Variants in ITFG1 observed in about 807,000 individuals in gnomAD.
The protein encoded by ITFG1 is integrin alpha FG-GAP repeat containing 1.
Under a neutral mutation model 81.8 loss-of-function variants are expected in ITFG1, and 34 were observed. The observed-to-expected ratio is 0.42, with a 90% CI of 0.32 to 0.55. The LOEUF is 0.55. Ranked by LOEUF, ITFG1 falls within the 20% of genes least tolerant of loss-of-function variation. The pLI, the probability that ITFG1 is intolerant of heterozygous loss-of-function variation, is 0.17. For missense variants in ITFG1, 672 were observed against 755.4 expected, an observed-to-expected ratio of 0.89 and a Z score of 1.29; for synonymous variants, 285 against 270.6, an observed-to-expected ratio of 1.05 and a Z score of -0.52.
At chr16:47,293,178 A>G (rs867630575) in intron 10 of ITFG1, among the ~76,000 whole-genome samples, 18 of 147,498 alleles carry the variant, frequency 1.2e-4, no homozygotes, top group South Asian at 6.3e-4. Flanking sequence ...TATATCATAT[A>G]CAAATGATAT....
At chr16:47,249,233 C>T (rs1277799766) in intron 12 of ITFG1, among the ~76,000 whole-genome samples, 1 of 152,090 alleles carries the variant, frequency 6.6e-6, no homozygotes, top group Non-Finnish European at 1.5e-5. Context: ...GCCTAGCCAA[C>T]ATAGTGAAAC....
At chr16:47,192,536 G>A (rs755855716) in intron 14 of ITFG1, among the ~76,000 whole-genome samples, 7 of 152,152 alleles carry the variant, frequency 4.6e-5, no homozygotes, top group Non-Finnish European at 8.8e-5. Context: ...ATGGCAAGGC[G>A]TCAGGGGAGG....
chr16:47,415,653 A>G (rs971214061), intron 6 of ITFG1, among the ~76,000 whole-genome samples: 6 of 152,242 alleles, frequency 3.9e-5, no homozygotes, highest in Non-Finnish European at 4.4e-5. Flanking sequence ...TATCAAAATC[A>G]TAATGAAATA....
intron 14 of ITFG1, among the ~76,000 whole-genome samples, chr16:47,192,145 C>T (rs1057363272): frequency 2.6e-5 from 4 of 152,202 alleles, no homozygotes; most frequent in African/African-American, 4.8e-5. Flanking sequence ...TCTAGTTCTT[C>T]TACTTGCTTT....
At chr16:47,380,616 A>G (rs1345938893) in intron 6 of ITFG1, among the ~76,000 whole-genome samples, 1 of 152,184 alleles carries the variant, frequency 6.6e-6, no homozygotes, top group Non-Finnish European at 1.5e-5. Flanking sequence ...AGTTGGAAGA[A>G]CAGGGTTGGT....
At chr16:47,418,085 C>T (rs1968896335) in intron 6 of ITFG1, among the ~76,000 whole-genome samples, 1 of 151,990 alleles carries the variant, frequency 6.6e-6, no homozygotes, top group Admixed American at 6.6e-5. Flanking sequence ...ATTTGAATAA[C>T]AATGAGATAT....
At chr16:47,222,416 T>C (rs1196354118) in intron 13 of ITFG1, among the ~76,000 whole-genome samples, 2 of 148,020 alleles carry the variant, frequency 1.4e-5, no homozygotes, top group Non-Finnish European at 3.0e-5. Flanking sequence ...TTTCTTTCTT[T>C]TTTTTTTTTT....
chr16:47,454,925 AC>A (rs1358435127), intron 2 of ITFG1, among the ~76,000 whole-genome samples: 1 of 152,182 alleles, frequency 6.6e-6, no homozygotes, highest in Non-Finnish European at 1.5e-5. Flanking sequence ...TTCCAATTAG[AC>A]TATAGATAAT....
At chr16:47,272,951 G>A (rs973125344) in intron 10 of ITFG1, among the ~76,000 whole-genome samples, 13 of 147,838 alleles carry the variant, frequency 8.8e-5, no homozygotes, top group African/African-American at 3.3e-4. Context: ...TATCTTCAAA[G>A]GCTATAAAAT....
At chr16:47,306,318 A>G (rs1354484315) in intron 10 of ITFG1, among the ~76,000 whole-genome samples, 1 of 152,204 alleles carries the variant, frequency 6.6e-6, no homozygotes, top group Non-Finnish European at 1.5e-5. Context: ...ACCACCAGAA[A>G]CATTTCAACA....
At chr16:47,411,631 A>G (rs2151603181) in intron 6 of ITFG1, among the ~76,000 whole-genome samples, 1 of 152,256 alleles carries the variant, frequency 6.6e-6, no homozygotes, top group East Asian at 1.9e-4. Flanking sequence ...AGGACTCTGA[A>G]TGCTGGTCTC....
intron 8 of ITFG1, among the ~76,000 whole-genome samples, chr16:47,364,595 A>G (rs1968151488): frequency 6.6e-6 from 1 of 152,208 alleles, no homozygotes; most frequent in African/African-American, 2.4e-5. Flanking sequence ...AAATAACATC[A>G]TGTGTTCTAT....
chr16:47,461,068 G>A (rs1025526349), upstream of ITFG1: 3 of 1,511,866 alleles, frequency 2.0e-6, no homozygotes, highest in Non-Finnish European at 2.6e-6. Flanking sequence ...GCCCCCGCCC[G>A]CCGGCCCAAC....
intron 6 of ITFG1, among the ~76,000 whole-genome samples, chr16:47,409,785 C>G (rs1053135270): frequency 1.3e-5 from 2 of 151,406 alleles, no homozygotes; most frequent in Admixed American, 6.6e-5. Context: ...AAGCATGACA[C>G]AAAACACATA....
intron 12 of ITFG1, 120 bp from the exon 13 acceptor site, chr16:47,238,128 A>G: frequency 3.3e-6 from 2 of 613,270 alleles, no homozygotes; most frequent in South Asian, 3.9e-5. Flanking sequence ...GCAGAAACCA[A>G]TTCAATTTCT....
intron 10 of ITFG1, chr16:47,263,582 G>C (rs571211107): frequency 4.5e-6 from 1 of 220,324 alleles, no homozygotes; most frequent in African/African-American, 2.4e-5. Flanking sequence ...CTTATCTCTA[G>C]TGGAGGGGTC....
In ITFG1 at chr16:47,400,058, A is replaced by C. The variant is rs139080259; in HGVS notation, c.656-24118T>G. ...CTCACCTTGCAAGGCAGGAACTACT[A>C]ACAGTCCCATTTCTACAGATGAGGC... On this transcript the variant is annotated intron_variant, in intron 6 of 17. Transcript: ENST00000320640. 9.9e-3 allele frequency among the ~76,000 whole-genome samples: 1,506 copies of C among 152,274 alleles called. 14 individuals are homozygous for C. Among genetic ancestry groups the C allele is most frequent in the Non-Finnish European group, 0.015 (1,044 of 68,032 alleles).
chr16:47,261,377 T>C (rs1966207709), intron 10 of ITFG1, among the ~76,000 whole-genome samples: 1 of 152,154 alleles, frequency 6.6e-6, no homozygotes, highest in Non-Finnish European at 1.5e-5. Flanking sequence ...AGAGCATAGG[T>C]TGTTAACATG....
chr16:47,165,413 A>G (rs1243605683), intron 14 of ITFG1, among the ~76,000 whole-genome samples: 1 of 152,268 alleles, frequency 6.6e-6, no homozygotes, highest in Non-Finnish European at 1.5e-5. Flanking sequence ...AAAACAGTAT[A>G]GTGAACAGCA....
Sources: allele counts gnomAD v4.1 joint callset (sites outside exome capture counted in the v4.1 genomes callset), GRCh38; gene constraint gnomAD v4.1.1; transcripts MANE v1.5; gene names NCBI Gene and HGNC (gene_info 2026-07-23, HGNC 2026-07-21).